The following GRID2 variants were observed in gnomAD, a reference collection of about 807,000 sequenced individuals.
GRID2 encodes glutamate ionotropic receptor delta type subunit 2.
In GRID2, 33 loss-of-function variants were observed where a neutral mutation model predicts 114.8. That is an observed-to-expected ratio of 0.29 (90% confidence interval 0.22 to 0.38). The LOEUF (loss-of-function observed/expected upper bound fraction) is 0.38. GRID2 is among the 10% of genes least tolerant of loss of function. The pLI is 1.00. For missense variants in GRID2, 1,184 were observed against 1,257.7 expected, an observed-to-expected ratio of 0.94 and a Z score of 0.89; for synonymous variants, 505 against 449.9, an observed-to-expected ratio of 1.12 and a Z score of -1.55.
intron 2 of GRID2, among the ~76,000 whole-genome samples, chr4:92,705,157 A>G (rs1272243268): frequency 6.6e-6 from 1 of 152,196 alleles, no homozygotes; most frequent in Non-Finnish European, 1.5e-5. Flanking sequence ...AGTATTTTCT[A>G]ATAACATTAA....
chr4:93,785,880 G>A (rs1734581180), intron 1 of GRID2, among the ~76,000 whole-genome samples: 2 of 152,162 alleles, frequency 1.3e-5, no homozygotes, highest in Non-Finnish European at 2.9e-5. Flanking sequence ...AGCTGTAGTG[G>A]GAATGGGGTC....
At chr4:93,551,191 G>A (rs1733716250) in intron 13 of GRID2, among the ~76,000 whole-genome samples, 1 of 152,150 alleles carries the variant, frequency 6.6e-6, no homozygotes, top group Non-Finnish European at 1.5e-5. Context: ...GTAACCATGT[G>A]GAGGAAATGG....
intron 8 of GRID2, among the ~76,000 whole-genome samples, chr4:93,269,075 T>A (rs1751152074): frequency 2.0e-5 from 3 of 152,218 alleles, no homozygotes; most frequent in Admixed American, 2.0e-4. Context: ...AACATGTCAG[T>A]ATCTTTTAAT....
At position 92,304,451 on chromosome 4, in the gene GRID2, G is replaced by C. The variant is rs533068640; in HGVS notation, c.-206G>C. The C allele has an allele frequency of 1.7e-6, 1 of 598,638 alleles. No individual in the cohort carries two copies. Among genetic ancestry groups the C allele is most frequent in the South Asian group, 2.0e-5 (1 of 48,932 alleles). 37.1% of individuals were successfully genotyped at this position (598,638 alleles called of 1,614,324 possible). On this transcript the variant is annotated 5_prime_UTR_variant, in exon 1 of 16. Coordinates refer to ENST00000282020, the MANE Select transcript of GRID2 (RefSeq NM_001510.4). Reference sequence around the variant, plus strand: ...TCCCCTCCAAGTGACACGGCTTTGCGAAGGAGGTTTCCTCAGGCTGGGCTC... The same window carrying C: ...TCCCCTCCAAGTGACACGGCTTTGCCAAGGAGGTTTCCTCAGGCTGGGCTC...
intron 2 of GRID2, among the ~76,000 whole-genome samples, chr4:92,808,128 T>C (rs1198844114): frequency 6.6e-6 from 1 of 151,882 alleles, no homozygotes; most frequent in Non-Finnish European, 1.5e-5. Flanking sequence ...GCTTTGAAGA[T>C]GGAAGAAAAG....
chr4:92,795,311 G>A (rs150253636), intron 2 of GRID2, among the ~76,000 whole-genome samples: 8 of 151,940 alleles, frequency 5.3e-5, no homozygotes, highest in African/African-American at 1.7e-4. Context: ...TATTGAATAC[G>A]TCTCAAGAGA....
intron 2 of GRID2, among the ~76,000 whole-genome samples, chr4:92,982,637 C>A (rs191880850): frequency 6.6e-6 from 1 of 152,106 alleles, no homozygotes; most frequent in Admixed American, 6.6e-5. Context: ...AGTCTTCTGC[C>A]TCCTCTCAAA....
intron 2 of GRID2, among the ~76,000 whole-genome samples, chr4:92,816,318 CAAAAA>C (rs764487348): frequency 2.1e-5 from 1 of 48,260 alleles, no homozygotes; most frequent in African/African-American, 8.0e-5. Flanking sequence ...TCTGTCTCAC[CAAAAA>C]AAAAAAAAAA....
chr4:92,519,320 G>GAAC (rs1724658444), intron 1 of GRID2, among the ~76,000 whole-genome samples: 1 of 151,594 alleles, frequency 6.6e-6, no homozygotes, highest in Non-Finnish European at 1.5e-5. Context: ...TTATTGTGAA[G>GAAC]AACAAATGAG....
At chr4:93,195,791 T>C in intron 4 of GRID2, among the ~76,000 whole-genome samples, 1 of 152,200 alleles carries the variant, frequency 6.6e-6, no homozygotes, top group Non-Finnish European at 1.5e-5. Context: ...ATAAATGGCA[T>C]TCAGAGTAAC....
chr4:92,502,180 CAT>C (rs1723716864), intron 1 of GRID2, among the ~76,000 whole-genome samples: 1 of 151,940 alleles, frequency 6.6e-6, no homozygotes, highest in Non-Finnish European at 1.5e-5. Flanking sequence ...ATTTTTTTAA[CAT>C]ATATTTCTAT....
At chr4:93,518,752 C>T (rs1730052304) in intron 13 of GRID2, among the ~76,000 whole-genome samples, 1 of 151,962 alleles carries the variant, frequency 6.6e-6, no homozygotes. Flanking sequence ...TGAATACAAA[C>T]TTTAAGCAGG....
At chr4:93,099,753 C>T (rs1361253726) in intron 3 of GRID2, among the ~76,000 whole-genome samples, 1 of 151,872 alleles carries the variant, frequency 6.6e-6, no homozygotes, top group East Asian at 1.9e-4. Flanking sequence ...CACCGTATCA[C>T]TCTTTACTTA....
chr4:93,163,886 A>C (rs565363374), intron 4 of GRID2, among the ~76,000 whole-genome samples: 156 of 152,126 alleles, frequency 1.0e-3, no homozygotes, highest in African/African-American at 3.6e-3. Context: ...TGGGATGACA[A>C]ACATGGAGAC....
chr4:92,592,285 C>G (rs2149212563), intron 2 of GRID2, among the ~76,000 whole-genome samples: 1 of 151,768 alleles, frequency 6.6e-6, no homozygotes, highest in East Asian at 1.9e-4. Context: ...GAATTAACTT[C>G]AAAGACAGGC....
intron 14 of GRID2, among the ~76,000 whole-genome samples, chr4:93,743,319 C>T (rs559322804): frequency 2.6e-5 from 4 of 152,226 alleles, no homozygotes; most frequent in African/African-American, 7.2e-5. Context: ...GGTAAAGCCA[C>T]GGGTGCTAAC....
chr4:92,802,183 A>G (rs1422412149), intron 2 of GRID2, among the ~76,000 whole-genome samples: 2 of 151,916 alleles, frequency 1.3e-5, no homozygotes, highest in South Asian at 2.1e-4. Context: ...TAGAAGGCAC[A>G]GAGATTTTCC....
intron 7 of GRID2, among the ~76,000 whole-genome samples, chr4:93,229,507 G>T (rs905361848): frequency 1.3e-5 from 2 of 152,048 alleles, no homozygotes; most frequent in African/African-American, 4.8e-5. Context: ...AGAAAGGGAG[G>T]GTAAGGCTTA....
At chr4:92,843,883 G>A (rs1438624532) in intron 2 of GRID2, among the ~76,000 whole-genome samples, 1 of 152,082 alleles carries the variant, frequency 6.6e-6, no homozygotes, top group Non-Finnish European at 1.5e-5. Flanking sequence ...TAGGTCTACT[G>A]TGCTCTTTGA....
Sources: gnomAD v4.1 joint callset for allele counts (sites outside exome capture counted in the v4.1 genomes callset) on GRCh38, gnomAD v4.1.1 for gene constraint, MANE v1.5 for transcripts, NCBI Gene and HGNC (gene_info 2026-07-23, HGNC 2026-07-21) for gene names.